Variants in GUCY2F observed in about 807,000 individuals in gnomAD.
The protein encoded by GUCY2F is guanylate cyclase 2F, retinal.
A neutral mutation model predicts 73.1 loss-of-function variants in GUCY2F; 61 were observed. The observed-to-expected ratio is 0.83, with a 90% CI of 0.68 to 1.03. The LOEUF (loss-of-function observed/expected upper bound fraction) is 1.03, where lower values mean the gene tolerates loss of function less well. Ranked by LOEUF, GUCY2F falls within the 50% of genes least tolerant of loss-of-function variation. The pLI, the probability that GUCY2F is intolerant of heterozygous loss-of-function variation, is 0.00. For synonymous variants in GUCY2F, 331 were observed against 307.8 expected (o/e 1.08, Z -0.79); for missense variants, 912 against 854.3 (o/e 1.07, Z -0.84).
chrX:109,444,977 T>C lies in GUCY2F; in HGVS notation c.1569+3092A>G, dbSNP rs144381093. Among the ~76,000 whole-genome samples, 704 of 111,738 alleles carry C rather than the reference T, an allele frequency of 6.3e-3. 4 individuals carry two copies. Among genetic ancestry groups the C allele is most frequent in the African/African-American group, 0.022 (663 of 30,786 alleles). ...CATTCCTTCATTGACTCAGTTTTTG[T>C]GCTGAGTTTCTGAAAAGCCTCCCTC... On this transcript the variant is annotated intron_variant, in intron 6 of 19. Coordinates refer to ENST00000218006, the MANE Select transcript of GUCY2F (RefSeq NM_001522.3).
At chrX:109,402,789 C>T (rs753094010) in intron 10 of GUCY2F, among the ~76,000 whole-genome samples, 11 of 111,675 alleles carry the variant, frequency 9.9e-5, no homozygotes, top group Non-Finnish European at 1.9e-4. Context: ...TCAGTTGTCT[C>T]ATCTGTAAAA....
chrX:109,383,712 G>A (rs192645100), intron 16 of GUCY2F, among the ~76,000 whole-genome samples: 11 of 112,245 alleles, frequency 9.8e-5, no homozygotes, highest in Admixed American at 2.8e-4. Context: ...AACACCTGCT[G>A]TGGGTGATTC....
chrX:109,419,029 T>C (rs1206137811), intron 8 of GUCY2F, among the ~76,000 whole-genome samples: 1 of 110,597 alleles, frequency 9.0e-6, no homozygotes, highest in Non-Finnish European at 1.9e-5. Flanking sequence ...TGATTAAACT[T>C]GGCACAATAT....
chrX:109,430,276 G>T (rs762272865), intron 8 of GUCY2F, 31 bp downstream of exon 8: 3 of 735,699 alleles, frequency 4.1e-6, no homozygotes, highest in East Asian at 3.2e-5. Flanking sequence ...TTATTTTAGT[G>T]GGAATTTACA....
At position 109,393,004 on chromosome X, in the gene GUCY2F, G is replaced by A. The variant is rs765361092; in HGVS notation, c.2476C>T (p.Arg826Trp). The A allele has an allele frequency of 2.2e-5, 25 of 1,116,796 alleles. No individual in the cohort carries two copies. In the African/African-American group the frequency reaches 3.6e-4, roughly 16 times the overall value. 92.0% of individuals were successfully genotyped at this position (1,116,796 alleles called of 1,213,427 possible). A position where few individuals can be genotyped will look rare whatever the true frequency, so the allele number is the denominator to read the frequency against. Residue 826 changes from arginine (R) to tryptophan (W), a missense_variant, in exon 13 of 20, where the codon CGG (arginine) becomes TGG (tryptophan). Coordinates refer to ENST00000218006, the MANE Select transcript of GUCY2F (RefSeq NM_001522.3). ...TTGCTAGAATATTGCTCCAACATCCGAAGCATAGAATCAATAATATTGGTC... is the reference window on the plus strand; with the variant it reads ...TTGCTAGAATATTGCTCCAACATCCAAAGCATAGAATCAATAATATTGGTC... ...KKTNIIDSML[R>W]MLEQYSSNLE...
chrX:109,434,844 T>C (rs1045634540), intron 7 of GUCY2F, among the ~76,000 whole-genome samples: 3 of 111,552 alleles, frequency 2.7e-5, no homozygotes, highest in Non-Finnish European at 3.8e-5. Flanking sequence ...TTTCTACATA[T>C]GGCTAGACAG....
At chrX:109,406,049 A>G (rs1340355428) in intron 9 of GUCY2F, among the ~76,000 whole-genome samples, 1 of 111,554 alleles carries the variant, frequency 9.0e-6, no homozygotes, top group Non-Finnish European at 1.9e-5. Context: ...AAAGGTCAAG[A>G]CTATGATCAG....
At chrX:109,416,275 G>A (rs1484276308) in intron 8 of GUCY2F, among the ~76,000 whole-genome samples, 1 of 110,876 alleles carries the variant, frequency 9.0e-6, no homozygotes, top group Non-Finnish European at 1.9e-5. Context: ...CTTTAACACA[G>A]ATTTTATAAA....
Position 109,475,687 on chromosome X carries a change from T to C in GUCY2F, c.250A>G (p.Asn84Asp). Reference sequence around the variant, plus strand: ...CTCAGGTCAAAAGATGGGTCCCGGTTGATTCGCTCAATGGCTAATCGCGCA... The same window carrying C: ...CTCAGGTCAAAAGATGGGTCCCGGTCGATTCGCTCAATGGCTAATCGCGCA... ...VAARLAIERI[N>D]RDPSFDLSYS... The change falls in exon 2 of 20, where the codon AAC becomes GAC. Residue 84 changes from asparagine to aspartate, a missense_variant. Asn to Asp is a conservative substitution (Grantham distance 23). Transcript: ENST00000218006. 1 of 1,211,647 alleles carries C rather than the reference T, an allele frequency of 8.3e-7. No individual in the cohort carries two copies. The highest frequency in any genetic ancestry group is 1.1e-6 in the Non-Finnish European group (1 of 895,337).
chrX:109,437,013 T>A (rs1178824261), intron 7 of GUCY2F, among the ~76,000 whole-genome samples: 1 of 108,883 alleles, frequency 9.2e-6, no homozygotes, highest in Non-Finnish European at 1.9e-5. Context: ...AAAGAAAATT[T>A]GATTTATTTT....
At position 109,376,155 on chromosome X, in the gene GUCY2F, C is replaced by T; in HGVS notation, c.3163G>A (p.Glu1055Lys). ...TTCCCAATCAGCCAGAAGGTTTCCT[C>T]TGTGCCTTTGCCCTTATTATAGAAA... ...GRTELKGKGT[E>K]ETFWLIGKKG... Residue 1055 changes from glutamate (E) to lysine (K), a missense_variant, in exon 18 of 20, where the codon GAG (glutamate) becomes AAG (lysine). Coordinates refer to ENST00000218006, the MANE Select transcript of GUCY2F (RefSeq NM_001522.3). 3.4e-6 allele frequency: 4 copies of T among 1,187,887 alleles called. No individual in the cohort carries two copies. Among genetic ancestry groups the T allele is most frequent in the Non-Finnish European group, 4.6e-6 (4 of 873,733 alleles).
At chrX:109,383,036 T>TA (rs1194321586) in intron 16 of GUCY2F, among the ~76,000 whole-genome samples, 42 of 111,271 alleles carry the variant, frequency 3.8e-4, no homozygotes, top group African/African-American at 1.2e-3. Context: ...ATCATTTTTT[T>TA]TAAAAAAAAA....
intron 11 of GUCY2F, among the ~76,000 whole-genome samples, chrX:109,397,336 A>C (rs1930733804): frequency 8.9e-6 from 1 of 111,791 alleles, no homozygotes; most frequent in Admixed American, 9.5e-5. Flanking sequence ...CCTTCACTTA[A>C]AAAGTGATGA....
At chrX:109,458,783 G>A (rs1156591302) in intron 3 of GUCY2F, among the ~76,000 whole-genome samples, 3 of 111,175 alleles carry the variant, frequency 2.7e-5, no homozygotes, top group African/African-American at 9.8e-5. Flanking sequence ...TCAGGTGCCA[G>A]GCAAACTATT....
intron 17 of GUCY2F, among the ~76,000 whole-genome samples, chrX:109,377,879 C>G (rs189492940): frequency 5.4e-5 from 6 of 111,226 alleles, no homozygotes; most frequent in Non-Finnish European, 9.4e-5. Context: ...TGGACTCAGG[C>G]AAGCTTCCAA....
Position 109,441,346 on chromosome X carries a change from C to T in GUCY2F, c.1701+5G>A. 8.9e-7 allele frequency: 1 copy of T among 1,117,431 alleles called. No individual in the cohort carries two copies. Among genetic ancestry groups the T allele is most frequent in the Non-Finnish European group, 1.2e-6 (1 of 832,867 alleles). The allele number at this position is 1,117,431 out of a possible 1,213,427, so 92.1% of individuals were successfully genotyped here. A position where few individuals can be genotyped will look rare whatever the true frequency, so the allele number is the denominator to read the frequency against. On this transcript the variant is annotated splice_donor_5th_base_variant and intron_variant, in intron 7 of 19. Coordinates refer to ENST00000218006, the MANE Select transcript of GUCY2F (RefSeq NM_001522.3). ...AGTAGATTAGACAGCTGTTGAATATCTTACCTCATAAATCGCTATGTTGGA... is the reference window on the plus strand; with the variant it reads ...AGTAGATTAGACAGCTGTTGAATATTTTACCTCATAAATCGCTATGTTGGA...
intron 3 of GUCY2F, 42 bp from the exon 4 acceptor site, chrX:109,453,901 T>C (rs1486228612): frequency 8.0e-6 from 6 of 750,676 alleles, no homozygotes; most frequent in Non-Finnish European, 1.2e-5. Flanking sequence ...CTGGTCGCCC[T>C]AGAGCGATCT....
intron 6 of GUCY2F, among the ~76,000 whole-genome samples, chrX:109,445,698 C>T (rs918105203): frequency 2.7e-5 from 3 of 111,512 alleles, no homozygotes; most frequent in Admixed American, 9.5e-5. Flanking sequence ...GAAGCATTCC[C>T]TTTGAAAACG....
chrX:109,409,455 C>G (rs1487664224), intron 8 of GUCY2F, among the ~76,000 whole-genome samples: 4 of 111,805 alleles, frequency 3.6e-5, no homozygotes, highest in Non-Finnish European at 7.5e-5. Flanking sequence ...AATATGAGGA[C>G]TCAACAGACC....
Sources: gnomAD v4.1 joint callset for allele counts (sites outside exome capture counted in the v4.1 genomes callset) on GRCh38, gnomAD v4.1.1 for gene constraint, MANE v1.5 for transcripts, NCBI Gene and HGNC (gene_info 2026-07-23, HGNC 2026-07-21) for gene names.